The following PGM5 variants were observed in gnomAD, a reference collection of about 807,000 sequenced individuals.
PGM5 encodes the protein phosphoglucomutase 5, also known as phosphoglucomutase-like protein 5.
In PGM5, 23 loss-of-function variants were observed where a neutral mutation model predicts 59.2. The ratio of observed to expected loss-of-function variants is 0.39; its 90% CI spans 0.28 to 0.55. The LOEUF is 0.55. Ranked by LOEUF, PGM5 falls within the 20% of genes least tolerant of loss-of-function variation. PGM5 has a pLI of 0.66. For missense variants in PGM5, 574 were observed against 748.3 expected (o/e 0.77, Z 2.72); for synonymous variants, 214 against 286.0 (o/e 0.75, Z 2.54).
At chr9:68,409,678 G>T (rs1240611428) in intron 6 of PGM5, among the ~76,000 whole-genome samples, 1 of 137,338 alleles carries the variant, frequency 7.3e-6, no homozygotes, top group Non-Finnish European at 1.5e-5. Context: ...TGAACAATGA[G>T]AACACATGGA....
intron 9 of PGM5, 168 bp from the exon 10 acceptor site, chr9:68,499,059 T>C (rs1824527471): frequency 1.5e-6 from 1 of 686,518 alleles, no homozygotes; most frequent in Non-Finnish European, 2.5e-6. Flanking sequence ...TAACTCTAAG[T>C]AGGTTCATCA....
At chr9:68,487,447 C>CTCTGTG (rs10648860) in intron 9 of PGM5, among the ~76,000 whole-genome samples, 31 of 146,746 alleles carry the variant, frequency 2.1e-4, no homozygotes, top group African/African-American at 7.9e-4. Flanking sequence ...CTCTCTCTCT[C>CTCTGTG]TGTGTCACAC....
intron 6 of PGM5, among the ~76,000 whole-genome samples, chr9:68,461,467 T>C (rs1823857814): frequency 6.6e-6 from 1 of 152,216 alleles, no homozygotes; most frequent in Non-Finnish European, 1.5e-5. Flanking sequence ...TGGATGTTTT[T>C]GTCACTTTCA....
intron 7 of PGM5, among the ~76,000 whole-genome samples, chr9:68,471,519 A>G (rs898047024): frequency 1.3e-5 from 2 of 150,328 alleles, no homozygotes; most frequent in Non-Finnish European, 3.0e-5. Flanking sequence ...TAAACAGGTT[A>G]TGGTGGTTTG....
At chr9:68,514,621 A>AAAC (rs1194129969) in intron 10 of PGM5, among the ~76,000 whole-genome samples, 1 of 152,050 alleles carries the variant, frequency 6.6e-6, no homozygotes, top group East Asian at 1.9e-4. Flanking sequence ...ACAAGCAAAC[A>AAAC]AACAACAACA....
intron 6 of PGM5, among the ~76,000 whole-genome samples, chr9:68,392,869 T>A (rs1164463124): frequency 9.2e-5 from 14 of 152,148 alleles, no homozygotes; most frequent in Admixed American, 8.5e-4. Context: ...TGAAAGTGTG[T>A]ATGTATAAGT....
chr9:68,413,457 C>T (rs1484359335), intron 6 of PGM5, among the ~76,000 whole-genome samples: 2 of 152,188 alleles, frequency 1.3e-5, no homozygotes, highest in Non-Finnish European at 2.9e-5. Context: ...AGATTATCCA[C>T]TACCCCTAAG....
In PGM5 at chr9:68,435,122, GCCTC is replaced by G. The variant is rs1554683291; in HGVS notation, c.1044-29967_1044-29964del. ...GGTTCTGTGCCACCCACTTAGAGAG[GCCTC>G]CCTTGAGCACACTACCTAAGGAGAG... On this transcript the variant is annotated intron_variant, in intron 6 of 10. Transcript: ENST00000396396. Among the ~76,000 whole-genome samples, 8 of 152,118 alleles carry G rather than the reference GCCTC, an allele frequency of 5.3e-5. No homozygotes were observed. In the East Asian group the frequency reaches 1.5e-3, roughly 29 times the overall value.
chr9:68,509,147 T>G (rs1824704816), intron 10 of PGM5, among the ~76,000 whole-genome samples: 2 of 152,122 alleles, frequency 1.3e-5, no homozygotes. Flanking sequence ...TTGGCTGAAT[T>G]TAAGTTTGAT....
At chr9:68,443,151 TA>T (rs2132064396) in intron 6 of PGM5, among the ~76,000 whole-genome samples, 1 of 152,338 alleles carries the variant, frequency 6.6e-6, no homozygotes, top group Non-Finnish European at 1.5e-5. Flanking sequence ...AGGTGAATAA[TA>T]AACTGTGATA....
chr9:68,444,827 T>C (rs1823585443), intron 6 of PGM5, among the ~76,000 whole-genome samples: 1 of 152,122 alleles, frequency 6.6e-6, no homozygotes, highest in South Asian at 2.1e-4. Context: ...GGTGTACAGA[T>C]AAGCAAAGAA....
At chr9:68,423,942 G>T (rs1554682550) in intron 6 of PGM5, among the ~76,000 whole-genome samples, 1 of 152,150 alleles carries the variant, frequency 6.6e-6, no homozygotes, top group Non-Finnish European at 1.5e-5. Flanking sequence ...AATTTGAGGA[G>T]GCTGAGTTTT....
In PGM5 at chr9:68,489,469, CT is replaced by C. The variant is rs797028640; in HGVS notation, c.1479+5436del. Among the ~76,000 whole-genome samples, 212 of 135,490 alleles carry C rather than the reference CT, an allele frequency of 1.6e-3. 1 individual carries two copies. Among genetic ancestry groups the C allele is most frequent in the East Asian group, 2.2e-3 (10 of 4,636 alleles). The allele number at this position is 135,490 out of a possible 152,430, so 88.9% of individuals were successfully genotyped here. On this transcript the variant is annotated intron_variant, in intron 9 of 10. Coordinates refer to ENST00000396396, the MANE Select transcript of PGM5 (RefSeq NM_021965.4). Reference sequence around the variant, plus strand: ...TTGTTTTCTTTTTTCTTTTTCTTTTCTTTTTTTTTTTTTTTAGACAGAGTCT... The same window carrying C: ...TTGTTTTCTTTTTTCTTTTTCTTTTCTTTTTTTTTTTTTTAGACAGAGTCT...
At chr9:68,409,847 C>A (rs1464461473) in intron 6 of PGM5, among the ~76,000 whole-genome samples, 1 of 141,140 alleles carries the variant, frequency 7.1e-6, no homozygotes. Context: ...GCACAATGTG[C>A]ATATGTACCC....
At chr9:68,511,351 A>G (rs1259540344) in intron 10 of PGM5, among the ~76,000 whole-genome samples, 1 of 152,108 alleles carries the variant, frequency 6.6e-6, no homozygotes, top group Non-Finnish European at 1.5e-5. Flanking sequence ...AGGAGGATAT[A>G]TTGAGGCATA....
intron 6 of PGM5, among the ~76,000 whole-genome samples, chr9:68,453,253 T>G (rs1823724970): frequency 6.6e-6 from 1 of 152,246 alleles, no homozygotes; most frequent in African/African-American, 2.4e-5. Context: ...AATTAACATA[T>G]AAGGTTATTA....
At chr9:68,506,129 T>A (rs1256441063) in intron 10 of PGM5, among the ~76,000 whole-genome samples, 1 of 152,226 alleles carries the variant, frequency 6.6e-6, no homozygotes, top group African/African-American at 2.4e-5. Context: ...ATAATTTAAG[T>A]TTGGCCTAAA....
At chr9:68,416,440 T>A (rs1280952773) in intron 6 of PGM5, among the ~76,000 whole-genome samples, 1 of 152,188 alleles carries the variant, frequency 6.6e-6, no homozygotes, top group Non-Finnish European at 1.5e-5. Flanking sequence ...CTATCTTTAT[T>A]AATTTTCTTC....
intron 9 of PGM5, 109 bp downstream of exon 9, chr9:68,484,157 G>A: frequency 5.6e-6 from 5 of 900,736 alleles, no homozygotes; most frequent in Non-Finnish European, 8.8e-6. Context: ...TCATTTTATA[G>A]ATGAGAACTG....
Sources: gnomAD v4.1 joint callset for allele counts (sites outside exome capture counted in the v4.1 genomes callset) on GRCh38, gnomAD v4.1.1 for gene constraint, MANE v1.5 for transcripts, NCBI Gene and HGNC (gene_info 2026-07-23, HGNC 2026-07-21) for gene names.